ARMC6: variants seen among roughly 807,000 people sequenced by gnomAD.
ARMC6 encodes the protein armadillo repeat-containing protein 6.
Under a neutral mutation model 49.2 loss-of-function variants are expected in ARMC6, and 43 were observed. That is an observed-to-expected ratio of 0.87 (90% CI 0.69 to 1.13). The LOEUF (loss-of-function observed/expected upper bound fraction) is 1.13. ARMC6 is among the 50% of genes most tolerant of loss of function. The pLI is 0.00. For synonymous variants in ARMC6, 262 were observed against 289.6 expected (o/e 0.90, Z 0.97); for missense variants, 627 against 682.0 (o/e 0.92, Z 0.90).
intron 4 of ARMC6, among the ~76,000 whole-genome samples, chr19:19,050,908 T>G (rs192027152): frequency 6.6e-6 from 1 of 152,340 alleles, no homozygotes. Flanking sequence ...CTTTGGCTCA[T>G]GCTAAGACAT....
At chr19:19,044,592 G>T (rs1476467600) in intron 4 of ARMC6, among the ~76,000 whole-genome samples, 1 of 152,252 alleles carries the variant, frequency 6.6e-6, no homozygotes, top group African/African-American at 2.4e-5. Flanking sequence ...GAAGGTAAAA[G>T]AACTTCAATG....
At chr19:19,043,445 C>T (rs1055164394) in intron 3 of ARMC6, among the ~76,000 whole-genome samples, 1 of 152,190 alleles carries the variant, frequency 6.6e-6, no homozygotes, top group Non-Finnish European at 1.5e-5. Flanking sequence ...TCCCCTCCTC[C>T]TGCCCCCATC....
At chr19:19,056,748 G>A (rs543447554) in intron 8 of ARMC6, among the ~76,000 whole-genome samples, 3 of 152,114 alleles carry the variant, frequency 2.0e-5, no homozygotes, top group Admixed American at 6.5e-5. Context: ...TGCAGCCCCC[G>A]GGGCCCTCCT....
chr19:19,049,104 G>T (rs1355494636), intron 4 of ARMC6, among the ~76,000 whole-genome samples: 1 of 146,660 alleles, frequency 6.8e-6, no homozygotes, highest in East Asian at 2.0e-4. Context: ...CCCAGCTAGA[G>T]TGCAGTGGTG....
Position 19,054,183 on chromosome 19 carries a change from G to C in ARMC6, c.885G>C (p.Glu295Asp). ...AFLDNPGILS[E>D]LCGTLSRLAI... is the part of the protein sequence containing the mutation. ...TGGATAACCCTGGCATCCTGAGCGAGCTCTGTGGAACCCTGTCCCGCCTGG... is the reference window on the plus strand; with the variant it reads ...TGGATAACCCTGGCATCCTGAGCGACCTCTGTGGAACCCTGTCCCGCCTGG... Residue 295 changes from glutamate to aspartate, a missense_variant, in exon 6 of 9, where the codon GAG (glutamate) becomes GAC (aspartate). By Grantham distance (45) the Glu-to-Asp change is conservative. Transcript: ENST00000535612. 2 of 1,603,094 alleles carry C rather than the reference G, an allele frequency of 1.2e-6. No individual in the cohort carries two copies. The highest frequency in any genetic ancestry group is 1.7e-6 in the Non-Finnish European group (2 of 1,174,934).
rs1465253801 is a variant in ARMC6 at position 19,051,367 on chromosome 19, CTCTCTCTCTGTGTGTGTG to C, written c.280-253_280-236del. Among the ~76,000 whole-genome samples the C allele has an allele frequency of 2.0e-3, 271 of 132,248 alleles. 2 individuals carry two copies. The highest frequency in any genetic ancestry group is 8.9e-3 in the African/African-American group (266 of 30,016). 86.8% of individuals were successfully genotyped at this position (132,248 alleles called of 152,430 possible). A position where few individuals can be genotyped will look rare whatever the true frequency, so the allele number is the denominator to read the frequency against. On this transcript the variant is annotated intron_variant, in intron 4 of 8. Coordinates refer to ENST00000535612, the MANE Select transcript of ARMC6 (RefSeq NM_001199196.2). ...GACACTGAGTTGTCTGGATCTCTCT[CTCTCTCTCTGTGTGTGTG>C]TGTGTGTGTGTGTGTGTGTGTGTGT...
intron 2 of ARMC6, chr19:19,040,841 T>G (rs755625379): frequency 1.1e-5 from 4 of 378,932 alleles, no homozygotes; most frequent in African/African-American, 8.7e-5. Context: ...TGTACTGGAT[T>G]TTTTTTTAAT....
intron 4 of ARMC6, among the ~76,000 whole-genome samples, chr19:19,050,765 A>T (rs2059489200): frequency 6.6e-6 from 1 of 152,250 alleles, no homozygotes; most frequent in African/African-American, 2.4e-5. Flanking sequence ...AGTGAGGATT[A>T]TCCCATAGGC....
In ARMC6 at chr19:19,052,148, TTG is replaced by T; in HGVS notation, c.809_810del (p.Val270AlafsTer19). ...CATGCCCACAACCATGCCAAGATGA[TTG>T]TGCAGGAGAACAAAGGCTTGAAGGT... On this transcript the variant is annotated frameshift_variant, in exon 5 of 9. Coordinates refer to ENST00000535612, the MANE Select transcript of ARMC6 (RefSeq NM_001199196.2). LOFTEE classifies it high-confidence loss of function. 6.2e-7 allele frequency: 1 copy of T among 1,613,268 alleles called. No individual in the cohort carries two copies. The highest frequency in any genetic ancestry group is 2.2e-5 in the East Asian group (1 of 44,872).
chr19:19,037,443 C>A, intron 2 of ARMC6: 1 of 315,524 alleles, frequency 3.2e-6, no homozygotes, highest in Non-Finnish European at 6.3e-6. Context: ...GGGATATGAT[C>A]TCAGCTCACT....
chr19:19,055,406 T>C lies in ARMC6; in HGVS notation c.1155+10T>C. On this transcript the variant is annotated intron_variant, in intron 7 of 8. Transcript: ENST00000535612. This position sits in a 1 kb window ranked among gnomAD's most constrained non-coding sequence, Gnocchi z 5.7. ...TCTGACCAGCCCCCAGGTACCCACC[T>C]CGGGGGGCACACACAGTAGCAGGGT... is the stretch of plus-strand genomic sequence containing the variant. The C allele has an allele frequency of 6.3e-7, 1 of 1,593,224 alleles. No homozygotes were observed. Among genetic ancestry groups the C allele is most frequent in the South Asian group, 1.1e-5 (1 of 88,260 alleles).
rs751415177 is a variant in ARMC6, at chr19:19,057,671, A to G, written c.*43A>G. On this transcript the variant is annotated 3_prime_UTR_variant, in exon 9 of 9. Transcript: ENST00000535612. ...GCCGTGACTCTGGGTGAGTCGTGTG[A>G]CTCAGGAATGGGGGTAGATCCATGT... 1 of 1,575,002 alleles carries G rather than the reference A, an allele frequency of 6.3e-7. No homozygotes were observed. Among genetic ancestry groups the G allele is most frequent in the African/African-American group, 1.4e-5 (1 of 74,016 alleles).
intron 5 of ARMC6, among the ~76,000 whole-genome samples, chr19:19,052,958 GT>G (rs2059511401): frequency 2.0e-5 from 3 of 152,300 alleles, no homozygotes; most frequent in African/African-American, 7.2e-5. Context: ...CATCTTTCCT[GT>G]TTTATTTATA....
intron 4 of ARMC6, among the ~76,000 whole-genome samples, chr19:19,046,057 C>T (rs1330746174): frequency 1.3e-5 from 2 of 152,116 alleles, no homozygotes; most frequent in Admixed American, 6.5e-5. Flanking sequence ...CCCTGCACCC[C>T]GAAAGGTCAG....
chr19:19,046,342 G>A (rs1033408913), intron 4 of ARMC6, among the ~76,000 whole-genome samples: 2 of 151,800 alleles, frequency 1.3e-5, no homozygotes, highest in East Asian at 1.9e-4. Context: ...GACTACAGGC[G>A]CCTGCCATGA....
chr19:19,054,673 T>C (rs2059528614), intron 6 of ARMC6, among the ~76,000 whole-genome samples: 1 of 152,152 alleles, frequency 6.6e-6, no homozygotes, highest in Non-Finnish European at 1.5e-5. Context: ...TATTGAGCCC[T>C]TCTCCATGTG....
Position 19,033,794 on chromosome 19 carries a change from C to T in ARMC6, c.-216C>T. 2 of 247,888 alleles carry T rather than the reference C, an allele frequency of 8.1e-6. No homozygotes were observed. Among genetic ancestry groups the T allele is most frequent in the Non-Finnish European group, 1.5e-5 (2 of 129,264 alleles). 15.4% of individuals were successfully genotyped at this position (247,888 alleles called of 1,614,324 possible). The stretch of plus-strand genomic sequence containing the variant: ...CGCGGTCGTCCTTGGTTATCGTGAG[C>T]GTCCGCGAGTCTCTGGGAGGCCAAG... On this transcript the variant is annotated 5_prime_UTR_variant, in exon 1 of 9. Coordinates refer to ENST00000535612, the MANE Select transcript of ARMC6 (RefSeq NM_001199196.2).
At chr19:19,049,499 C>T (rs1461113974) in intron 4 of ARMC6, among the ~76,000 whole-genome samples, 1 of 152,196 alleles carries the variant, frequency 6.6e-6, no homozygotes, top group Non-Finnish European at 1.5e-5. Context: ...TGCTGAAGTG[C>T]TACACCGCTG....
At position 19,055,232 on chromosome 19, in the gene ARMC6, G is replaced by A; in HGVS notation, c.1024-33G>A. The A allele has an allele frequency of 1.3e-6, 2 of 1,554,386 alleles. No homozygotes were observed. Among genetic ancestry groups the A allele is most frequent in the Non-Finnish European group, 1.7e-6 (2 of 1,150,392 alleles). On this transcript the variant is annotated intron_variant, in intron 6 of 8. Coordinates refer to ENST00000535612, the MANE Select transcript of ARMC6 (RefSeq NM_001199196.2). This position sits in a 1 kb window ranked among gnomAD's most constrained non-coding sequence, Gnocchi z 5.7. ...AGCCCTCTCCCACAACCAGCGGCCT[G>A]GCTGGAGGTGAGCGGGCCTTTCCCT... is the stretch of plus-strand genomic sequence containing the variant.
Sources: gnomAD v4.1 joint callset for allele counts (sites outside exome capture counted in the v4.1 genomes callset) on GRCh38, gnomAD v4.1.1 for gene constraint, Gnocchi (gnomAD v3.1) non-coding constraint, MANE v1.5 for transcripts, NCBI Gene and HGNC (gene_info 2026-07-23, HGNC 2026-07-21) for gene names.